OR10J1: variants seen among roughly 807,000 people sequenced by gnomAD.
The protein encoded by OR10J1 is olfactory receptor 10J1.
For missense variants in OR10J1, 474 were observed against 376.6 expected (o/e 1.26, Z -2.14); for synonymous variants, 202 against 143.8 (o/e 1.40, Z -2.89).
chr1:159,403,880 G>T, the OR10J1 span, among the ~76,000 whole-genome samples: 1 of 152,106 alleles, frequency 6.6e-6, no homozygotes, highest in Non-Finnish European at 1.5e-5. Context: ...ATCGATAGAT[G>T]AATGGATAAA....
At chr1:159,400,813 T>C in the OR10J1 span, among the ~76,000 whole-genome samples, 1 of 151,894 alleles carries the variant, frequency 6.6e-6, no homozygotes, top group Non-Finnish European at 1.5e-5. Flanking sequence ...AGCTGCAGAA[T>C]ACACATCCTT....
chr1:159,399,081 C>G, the OR10J1 span, among the ~76,000 whole-genome samples: 3 of 151,924 alleles, frequency 2.0e-5, no homozygotes, highest in African/African-American at 7.3e-5. Flanking sequence ...TTCACTACAT[C>G]TGGCAGTGGA....
At chr1:159,413,207 A>G in the OR10J1 span, among the ~76,000 whole-genome samples, 21 of 151,832 alleles carry the variant, frequency 1.4e-4, 1 homozygote, top group South Asian at 2.9e-3. Flanking sequence ...TGGAGAGGAT[A>G]TGGAGAAATA....
the OR10J1 span, among the ~76,000 whole-genome samples, chr1:159,420,448 G>T: frequency 6.6e-6 from 1 of 152,072 alleles, no homozygotes; most frequent in Admixed American, 6.5e-5. Flanking sequence ...GAATTTTGTA[G>T]TGGTAACATT....
the OR10J1 span, among the ~76,000 whole-genome samples, chr1:159,430,676 C>CGCGT: frequency 4.2e-4 from 20 of 47,322 alleles, no homozygotes; most frequent in East Asian, 3.8e-3. Context: ...TGTGCGCGCG[C>CGCGT]GCACATGTTT....
the OR10J1 span, among the ~76,000 whole-genome samples, chr1:159,420,701 T>C: frequency 6.6e-6 from 1 of 152,090 alleles, no homozygotes; most frequent in African/African-American, 2.4e-5. Flanking sequence ...GGTTTTTTTT[T>C]TCAGCACTTT....
chr1:159,428,774 T>G, the OR10J1 span, among the ~76,000 whole-genome samples: 2 of 152,202 alleles, frequency 1.3e-5, no homozygotes, highest in East Asian at 1.9e-4. Flanking sequence ...AGAGAGATTA[T>G]GTGGAATTGA....
the OR10J1 span, among the ~76,000 whole-genome samples, chr1:159,409,381 T>A: frequency 6.6e-6 from 1 of 152,226 alleles, no homozygotes; most frequent in South Asian, 2.1e-4. Flanking sequence ...GCCTGTATAC[T>A]TAGGAATAGC....
upstream of OR10J1, among the ~76,000 whole-genome samples, chr1:159,439,390 TA>T (rs2101708394): frequency 6.6e-6 from 1 of 152,162 alleles, no homozygotes; most frequent in South Asian, 2.1e-4. Flanking sequence ...ATAATCCAAA[TA>T]AACATGAGAA....
the OR10J1 span, among the ~76,000 whole-genome samples, chr1:159,418,090 A>G: frequency 6.6e-6 from 1 of 152,198 alleles, no homozygotes; most frequent in Non-Finnish European, 1.5e-5. Context: ...TGTTAAAAGC[A>G]TTTAGTTTTA....
chr1:159,425,368 G>C, the OR10J1 span, among the ~76,000 whole-genome samples: 1 of 151,990 alleles, frequency 6.6e-6, no homozygotes, highest in Non-Finnish European at 1.5e-5. Context: ...GATTTCAGGA[G>C]AGTAAAGAAC....
the OR10J1 span, among the ~76,000 whole-genome samples, chr1:159,414,044 C>T: frequency 1.6e-4 from 24 of 151,892 alleles, no homozygotes; most frequent in Middle Eastern, 3.4e-3. Flanking sequence ...ATCAAATCAG[C>T]GTATTTAGGG....
Position 159,440,020 on chromosome 1 carries a change from A to T in OR10J1, c.229A>T (p.Ile77Phe), listed in dbSNP as rs762373606. Reference sequence around the variant, plus strand: ...TTCAGAGACTGTATATACATTGGTCATTCTCCCAAGAATGCTCTCCAGCCT... The same window carrying T: ...TTCAGAGACTGTATATACATTGGTCTTTCTCCCAAGAATGCTCTCCAGCCT... ...STSETVYTLV[I>F]LPRMLSSLVG... The change falls in exon 1 of 1, where the codon ATT becomes TTT. Residue 77 changes from isoleucine to phenylalanine, a missense_variant. Physicochemically the swap from Ile to Phe is conservative, Grantham distance 21. Transcript: ENST00000423932. 6 of 1,614,138 alleles carry T rather than the reference A, an allele frequency of 3.7e-6. No homozygotes were observed. The highest frequency in any genetic ancestry group is 5.1e-6 in the Non-Finnish European group (6 of 1,180,028).
chr1:159,435,188 A>T (rs1175853819), upstream of OR10J1, among the ~76,000 whole-genome samples: 1 of 152,128 alleles, frequency 6.6e-6, no homozygotes, highest in Admixed American at 6.6e-5. Context: ...TTTGTGGTTA[A>T]TAAACCACTA....
At chr1:159,415,116 C>T in the OR10J1 span, among the ~76,000 whole-genome samples, 4 of 151,862 alleles carry the variant, frequency 2.6e-5, no homozygotes, top group South Asian at 2.1e-4. Flanking sequence ...TATGCTTTTG[C>T]GATCTTCATT....
the OR10J1 span, among the ~76,000 whole-genome samples, chr1:159,412,082 T>G: frequency 1.3e-5 from 2 of 152,058 alleles, no homozygotes; most frequent in Non-Finnish European, 2.9e-5. Context: ...GAACTCCCAT[T>G]CACAATTGCT....
the OR10J1 span, among the ~76,000 whole-genome samples, chr1:159,410,911 T>C: frequency 2.0e-5 from 3 of 151,652 alleles, no homozygotes; most frequent in East Asian, 3.9e-4. Flanking sequence ...TTTGTTGTCA[T>C]TGGTTTCAAA....
chr1:159,401,898 T>C, the OR10J1 span, among the ~76,000 whole-genome samples: 2 of 152,058 alleles, frequency 1.3e-5, no homozygotes, highest in Non-Finnish European at 2.9e-5. Flanking sequence ...TCATTTATCA[T>C]GACCAAGTGG....
chr1:159,423,980 G>T, the OR10J1 span, among the ~76,000 whole-genome samples: 5 of 152,120 alleles, frequency 3.3e-5, no homozygotes, highest in African/African-American at 1.2e-4. Flanking sequence ...AGTTTGGGAG[G>T]CTGAGGCGAG....
Sources: allele counts gnomAD v4.1 joint callset (sites outside exome capture counted in the v4.1 genomes callset), GRCh38; gene constraint gnomAD v4.1.1; transcripts MANE v1.5; gene names NCBI Gene and HGNC (gene_info 2026-07-23, HGNC 2026-07-21).